Variants in REV1 observed in about 807,000 individuals in gnomAD.
REV1 encodes the protein translesion synthesis protein REV1.
A neutral mutation model predicts 137.4 loss-of-function variants in REV1; 42 were observed. That is an observed-to-expected ratio of 0.31 (90% CI 0.24 to 0.40). REV1 has a LOEUF of 0.40. Ranked by LOEUF, REV1 falls within the 10% of genes least tolerant of loss-of-function variation. The pLI is 1.00. For synonymous variants in REV1, 524 were observed against 519.2 expected, an observed-to-expected ratio of 1.01 and a Z score of -0.12; for missense variants, 1,282 against 1,490.1, an observed-to-expected ratio of 0.86 and a Z score of 2.30.
Position 99,403,801 on chromosome 2 carries a change from T to TA in REV1, c.3059dup (p.Phe1021IlefsTer7). 1 of 1,614,142 alleles carries TA rather than the reference T, an allele frequency of 6.2e-7. No homozygotes were observed. The highest frequency in any genetic ancestry group is 8.5e-7 in the Non-Finnish European group (1 of 1,180,010). ...GAAGTTCAGCAGGAAGGGCAGCAAA[T>TA]ACCTCAGGGTCCACCTAGTGGAAAA... On this transcript the variant is annotated frameshift_variant, in exon 19 of 23. Transcript: ENST00000258428. LOFTEE classifies it high-confidence loss of function.
chr2:99,475,285 C>CT (rs1213300172), intron 1 of REV1, among the ~76,000 whole-genome samples: 1 of 151,800 alleles, frequency 6.6e-6, no homozygotes, highest in African/African-American at 2.4e-5. Flanking sequence ...CAACTTAGAA[C>CT]TTTTTAAAAG....
intron 9 of REV1, 95 bp downstream of exon 9, chr2:99,429,745 T>TGGTC (rs934840364): frequency 4.7e-6 from 3 of 643,840 alleles, no homozygotes; most frequent in African/African-American, 1.5e-4. Flanking sequence ...TCTGTAACAT[T>TGGTC]TAAATCCACT....
At chr2:99,474,471 C>A (rs879681962) in intron 1 of REV1, among the ~76,000 whole-genome samples, 14 of 152,146 alleles carry the variant, frequency 9.2e-5, no homozygotes, top group Admixed American at 3.3e-4. Context: ...TAACCTAACA[C>A]AATTCAACAA....
At position 99,402,950 on chromosome 2, in the gene REV1, C is replaced by G; in HGVS notation, c.3323G>C (p.Ser1108Thr). Residue 1108 changes from serine (S) to threonine (T), a missense_variant, in exon 20 of 23, where the codon AGT becomes ACT. By Grantham distance (58) the Ser-to-Thr change is moderately conservative. Transcript: ENST00000258428. ...PAKTLPGACG[S>T]PQKLIDGFLK... is the part of the protein sequence containing the mutation. ...AAACCCATCAATTAACTTCTGGGGA[C>G]TGCCACAGGCCCCTGGCAGAGTTTT... 6.2e-7 allele frequency: 1 copy of G among 1,614,244 alleles called. No individual in the cohort carries two copies. The highest frequency in any genetic ancestry group is 8.5e-7 in the Non-Finnish European group (1 of 1,180,050).
chr2:99,416,912 CAAAAAAAAA>C (rs755184253), intron 12 of REV1, among the ~76,000 whole-genome samples: 39 of 77,844 alleles, frequency 5.0e-4, no homozygotes, highest in African/African-American at 2.2e-3. Context: ...GACTCCATCT[CAAAAAAAAA>C]AAAAAAAAAA....
Position 99,464,922 on chromosome 2 carries a change from C to T in REV1, c.54G>A (p.Trp18Ter). The T allele has an allele frequency of 6.2e-7, 1 of 1,612,770 alleles. No individual in the cohort carries two copies. The highest frequency in any genetic ancestry group is 8.5e-7 in the Non-Finnish European group (1 of 1,179,120). Residue 18 changes from tryptophan to a stop codon, truncating the protein, a stop_gained and splice_region_variant, in exon 2 of 23, where the codon TGG (tryptophan) becomes TGA (stop). Coordinates refer to ENST00000258428, the MANE Select transcript of REV1 (RefSeq NM_016316.4). LOFTEE classifies it high-confidence loss of function. The stretch of plus-strand genomic sequence containing the variant: ...TTATTTTTACTCTTTTAAAACACAC[C>T]CATGTTTCCCAGCCATCATTTTCAG... ...KRAENDGWET[W>*]GGYMAAKVQK...
At chr2:99,487,132 T>C (rs1028228417) in intron 1 of REV1, among the ~76,000 whole-genome samples, 8 of 152,176 alleles carry the variant, frequency 5.3e-5, no homozygotes, top group Non-Finnish European at 1.0e-4. Flanking sequence ...AAGTATAACA[T>C]CCTAAGGAAG....
intron 3 of REV1, among the ~76,000 whole-genome samples, chr2:99,461,846 A>C (rs1231060766): frequency 1.3e-5 from 2 of 152,242 alleles, no homozygotes; most frequent in Non-Finnish European, 2.9e-5. Context: ...TCATCCTTGA[A>C]ACTGTGCAAC....
At chr2:99,421,300 T>A (rs965619596) in intron 11 of REV1, among the ~76,000 whole-genome samples, 199 bp downstream of exon 11, 6 of 152,096 alleles carry the variant, frequency 3.9e-5, no homozygotes, top group Non-Finnish European at 8.8e-5. Flanking sequence ...AGAAATATTC[T>A]AACTTATTTA....
chr2:99,446,399 T>TTTA (rs1682212648), intron 4 of REV1, among the ~76,000 whole-genome samples: 1 of 152,244 alleles, frequency 6.6e-6, no homozygotes, highest in African/African-American at 2.4e-5. Context: ...GAATTTTAAC[T>TTTA]ATCTAAGTTG....
intron 3 of REV1, among the ~76,000 whole-genome samples, chr2:99,458,979 T>C (rs781305250): frequency 4.6e-5 from 7 of 151,996 alleles, no homozygotes; most frequent in South Asian, 2.1e-4. Flanking sequence ...GAGGCCAAGG[T>C]GGGCAGATCA....
At chr2:99,401,381 T>C (rs996851105) in intron 22 of REV1, 29 bp from the exon 23 acceptor site, 2 of 1,446,782 alleles carry the variant, frequency 1.4e-6, no homozygotes, top group Non-Finnish European at 1.9e-6. Context: ...GAAATGTCAT[T>C]AGGAATTAGG....
In REV1 at chr2:99,402,677, T is replaced by C; in HGVS notation, c.3508A>G (p.Thr1170Ala). The C allele has an allele frequency of 6.2e-7, 1 of 1,614,126 alleles. No individual in the cohort carries two copies. The highest frequency in any genetic ancestry group is 1.7e-5 in the Admixed American group (1 of 60,010). Residue 1170 changes from threonine (T) to alanine (A), a missense_variant, in exon 21 of 23, where the codon ACC becomes GCC. Coordinates refer to ENST00000258428, the MANE Select transcript of REV1 (RefSeq NM_016316.4). ...GTAGTTATCCATTCTCTGAGCAAGGTCTTCACATCATTGAATTCAACAGCT... is the reference window on the plus strand; with the variant it reads ...GTAGTTATCCATTCTCTGAGCAAGGCCTTCACATCATTGAATTCAACAGCT... ...AGAVEFNDVK[T>A]LLREWITTIS...
At chr2:99,414,814 T>C (rs552461236) in intron 12 of REV1, among the ~76,000 whole-genome samples, 1 of 152,332 alleles carries the variant, frequency 6.6e-6, no homozygotes, top group South Asian at 2.1e-4. Context: ...CTTCCAAGAT[T>C]AGCAAGAGAC....
chr2:99,461,446 A>C (rs1433091469), intron 3 of REV1, among the ~76,000 whole-genome samples: 1 of 152,226 alleles, frequency 6.6e-6, no homozygotes, highest in Non-Finnish European at 1.5e-5. Context: ...ATAGCTCCAG[A>C]AGAGCACAAG....
chr2:99,489,095 G>T (rs1252172545), intron 1 of REV1, among the ~76,000 whole-genome samples: 2 of 152,168 alleles, frequency 1.3e-5, no homozygotes, highest in Non-Finnish European at 2.9e-5. Context: ...AACACAGCGC[G>T]GCTCGGTGCG....
intron 1 of REV1, among the ~76,000 whole-genome samples, chr2:99,469,727 T>C (rs1685192751): frequency 6.6e-6 from 1 of 152,248 alleles, no homozygotes; most frequent in African/African-American, 2.4e-5. Flanking sequence ...ATGTTTTATC[T>C]TTTGCTGGAA....
At chr2:99,481,333 G>GT (rs1395585849) in intron 1 of REV1, among the ~76,000 whole-genome samples, 2 of 152,090 alleles carry the variant, frequency 1.3e-5, no homozygotes, top group African/African-American at 4.8e-5. Context: ...CAAAATTTAT[G>GT]TAATTAAAAC....
chr2:99,419,615 A>G (rs1678390993), intron 11 of REV1, among the ~76,000 whole-genome samples: 1 of 152,256 alleles, frequency 6.6e-6, no homozygotes, highest in East Asian at 1.9e-4. Flanking sequence ...GGAAATGACA[A>G]TAAAAAGTGC....
Sources: gnomAD v4.1 joint callset for allele counts (sites outside exome capture counted in the v4.1 genomes callset) on GRCh38, gnomAD v4.1.1 for gene constraint, MANE v1.5 for transcripts, NCBI Gene and HGNC (gene_info 2026-07-23, HGNC 2026-07-21) for gene names.